LIMD1: variants seen among roughly 807,000 people sequenced by gnomAD.
LIMD1 encodes LIM domain-containing protein 1.
In LIMD1, 23 loss-of-function variants were observed where a neutral mutation model predicts 58.4. That is an observed-to-expected ratio of 0.39 (90% CI 0.28 to 0.56). LIMD1 has a LOEUF of 0.56. Ranked by LOEUF, LIMD1 falls within the 20% of genes least tolerant of loss-of-function variation. The pLI, the probability that LIMD1 is intolerant of heterozygous loss-of-function variation, is 0.57. For synonymous variants in LIMD1, 334 were observed against 345.5 expected (o/e 0.97, Z 0.37); for missense variants, 838 against 855.5 (o/e 0.98, Z 0.25).
chr3:45,616,292 C>G (rs1701575966), intron 1 of LIMD1, among the ~76,000 whole-genome samples: 1 of 152,230 alleles, frequency 6.6e-6, no homozygotes, highest in African/African-American at 2.4e-5. Context: ...TGACAAACCT[C>G]TGTTCCTTGC....
intron 1 of LIMD1, among the ~76,000 whole-genome samples, chr3:45,629,412 CAAAAAAAA>C (rs57306025): frequency 1.0e-5 from 1 of 97,578 alleles, no homozygotes; most frequent in Non-Finnish European, 2.2e-5. Context: ...ACTCTTGTCT[CAAAAAAAA>C]AAAAAAAAAA....
chr3:45,618,964 CT>C (rs1325435862), intron 1 of LIMD1, among the ~76,000 whole-genome samples: 1 of 152,096 alleles, frequency 6.6e-6, no homozygotes, highest in African/African-American at 2.4e-5. Flanking sequence ...GGAGTGCTTA[CT>C]TTGTGAAAAA....
chr3:45,633,863 A>G (rs945951586), intron 1 of LIMD1, among the ~76,000 whole-genome samples: 8 of 152,140 alleles, frequency 5.3e-5, no homozygotes, highest in Non-Finnish European at 5.9e-5. Flanking sequence ...TATCAACTTA[A>G]AATGATATGA....
At chr3:45,641,501 A>T (rs9858867) in intron 2 of LIMD1, among the ~76,000 whole-genome samples, 47,756 of 148,172 alleles carry the variant, frequency 0.32, 8,204 homozygotes, top group East Asian at 0.55. Flanking sequence ...ATATATAATT[A>T]TATATATTTT....
intron 1 of LIMD1, among the ~76,000 whole-genome samples, chr3:45,633,227 T>C (rs1575352879): frequency 6.6e-6 from 1 of 152,176 alleles, no homozygotes; most frequent in East Asian, 1.9e-4. Context: ...CACATATACA[T>C]GCACACACAT....
chr3:45,677,686 G>A lies in LIMD1; in HGVS notation c.*627G>A. The stretch of plus-strand genomic sequence containing the variant: ...TCAAGATTTGAAATAGGTGAGGCAG[G>A]GTTTCCTCCTTAGACACTGACAGCA... On this transcript the variant is annotated 3_prime_UTR_variant, in exon 8 of 8. Transcript: ENST00000273317. 6.6e-6 allele frequency: 1 copy of A among 152,226 alleles called. No individual in the cohort carries two copies. The highest frequency in any genetic ancestry group is 1.5e-5 in the Non-Finnish European group (1 of 68,116). The allele number at this position is 152,226 out of a possible 1,614,324, so 9.4% of individuals were successfully genotyped here.
chr3:45,610,398 C>G (rs1209919738), intron 1 of LIMD1, among the ~76,000 whole-genome samples: 1 of 152,142 alleles, frequency 6.6e-6, no homozygotes. Flanking sequence ...TGAGCGCTCT[C>G]ATGTGGGTAG....
At chr3:45,620,624 T>C (rs6808958) in intron 1 of LIMD1, among the ~76,000 whole-genome samples, 106,771 of 151,996 alleles carry the variant, frequency 0.7, 39,135 homozygotes, top group East Asian at 0.95. Flanking sequence ...CCTGTCTCTA[T>C]TAAAAATTAG....
chr3:45,650,912 C>T (rs568289884), intron 2 of LIMD1, among the ~76,000 whole-genome samples: 3 of 151,954 alleles, frequency 2.0e-5, no homozygotes, highest in South Asian at 4.2e-4. Flanking sequence ...GGAATTGCCA[C>T]GCTGTCTTCC....
At position 45,596,193 on chromosome 3, in the gene LIMD1, T is replaced by C; in HGVS notation, c.1314T>C (p.Pro438=). The C allele has an allele frequency of 6.2e-7, 1 of 1,613,836 alleles. No individual in the cohort carries two copies. Among genetic ancestry groups the C allele is most frequent in the Non-Finnish European group, 8.5e-7 (1 of 1,179,878 alleles). ...RLPCQPLVPG[P]ELRPSAAELK... ...CCTGCCAGCCCCTCGTCCCAGGTCC[T>C]GAGCTGAGACCCTCTGCTGCTGAGT... The change falls in exon 1 of 8, where the codon CCT becomes CCC. Residue 438 remains proline, a synonymous_variant. Transcript: ENST00000273317.
At chr3:45,607,825 C>G (rs908955168) in intron 1 of LIMD1, among the ~76,000 whole-genome samples, 4 of 152,182 alleles carry the variant, frequency 2.6e-5, no homozygotes, top group Non-Finnish European at 4.4e-5. Context: ...ACAATAACAG[C>G]AGCTTCCCTG....
rs192763954 is a variant in LIMD1 at position 45,643,656 on chromosome 3, C to T, written c.1510+7405C>T. 1.1e-3 allele frequency among the ~76,000 whole-genome samples: 161 copies of T among 152,202 alleles called. 1 individual carries two copies. Among genetic ancestry groups the T allele is most frequent in the Admixed American group, 5.9e-4 (9 of 15,284 alleles). On this transcript the variant is annotated intron_variant, in intron 2 of 7. Transcript: ENST00000273317. ...CTATTAGTTTTTCGGTGATATGAGA[C>T]GGAAAATGATGGACTAGGTAAATAT...
At chr3:45,626,572 G>A (rs1282018976) in intron 1 of LIMD1, among the ~76,000 whole-genome samples, 1 of 152,206 alleles carries the variant, frequency 6.6e-6, no homozygotes, top group African/African-American at 2.4e-5. Context: ...GTTGCCAGGG[G>A]TTTTTGGGGA....
At chr3:45,624,701 C>T (rs887120541) in intron 1 of LIMD1, among the ~76,000 whole-genome samples, 2 of 151,958 alleles carry the variant, frequency 1.3e-5, no homozygotes, top group African/African-American at 2.4e-5. Context: ...CCAGCCTGGG[C>T]GACAGAGCGA....
chr3:45,612,447 T>A (rs903841644), intron 1 of LIMD1, among the ~76,000 whole-genome samples: 1 of 152,222 alleles, frequency 6.6e-6, no homozygotes, highest in Non-Finnish European at 1.5e-5. Flanking sequence ...TGGAAGTCAT[T>A]TAGTGTCATT....
At chr3:45,626,321 A>G (rs527976937) in intron 1 of LIMD1, among the ~76,000 whole-genome samples, 2 of 152,302 alleles carry the variant, frequency 1.3e-5, no homozygotes, top group East Asian at 3.9e-4. Flanking sequence ...TCATAATGAC[A>G]AAATTTGGCA....
chr3:45,673,624 C>T, intron 6 of LIMD1, 119 bp downstream of exon 6: 3 of 916,838 alleles, frequency 3.3e-6, no homozygotes, highest in Non-Finnish European at 5.4e-6. Flanking sequence ...TTAAAAATCT[C>T]AACTCTGGCC....
intron 2 of LIMD1, among the ~76,000 whole-genome samples, chr3:45,649,715 T>C (rs577243181): frequency 0.044 from 6,446 of 145,282 alleles, 177 homozygotes; most frequent in African/African-American, 0.078. Flanking sequence ...TATACATATA[T>C]ATATATAAAA....
rs146606283 is a variant in LIMD1 at position 45,595,469 on chromosome 3, C to T, written c.590C>T (p.Ser197Phe). ...SPKWGDKPGV[S>F]PSIGLSVGSG... is the part of the protein sequence containing the mutation. ...AAGTGGGGTGACAAACCAGGAGTGT[C>T]CCCCAGCATCGGCCTGAGTGTAGGG... Residue 197 changes from serine (S) to phenylalanine (F), a missense_variant, in exon 1 of 8, where the codon TCC (serine) becomes TTC (phenylalanine). Ser to Phe is a radical substitution (Grantham distance 155, BLOSUM62 -2). This residue lies in a region of LIMD1 where 659 missense variants were observed against 639.8 expected (regional missense o/e 1.03). Transcript: ENST00000273317. 2,275 of 1,613,796 alleles carry T rather than the reference C, an allele frequency of 1.4e-3. 4 individuals are homozygous for T. The highest frequency in any genetic ancestry group is 1.8e-3 in the Admixed American group (108 of 59,992).
Sources: gnomAD v4.1 joint callset for allele counts (sites outside exome capture counted in the v4.1 genomes callset) on GRCh38, gnomAD v4.1.1 for gene constraint, gnomAD v4.1.1 regional missense constraint, MANE v1.5 for transcripts, NCBI Gene and HGNC (gene_info 2026-07-23, HGNC 2026-07-21) for gene names.